The following DNER variants were observed in gnomAD, a reference collection of about 807,000 sequenced individuals.
The protein encoded by DNER is delta and Notch-like epidermal growth factor-related receptor.
Under a neutral mutation model 78.2 loss-of-function variants are expected in DNER, and 33 were observed. The observed-to-expected ratio is 0.42, with a 90% CI of 0.32 to 0.56. The LOEUF is 0.56. DNER is among the 20% of genes least tolerant of loss of function. The pLI is 0.11. For missense variants in DNER, 918 were observed against 975.3 expected (o/e 0.94, Z 0.78); for synonymous variants, 417 against 384.8 (o/e 1.08, Z -0.98).
At chr2:229,438,031 G>A (rs925925907) in intron 8 of DNER, among the ~76,000 whole-genome samples, 1 of 152,188 alleles carries the variant, frequency 6.6e-6, no homozygotes, top group Admixed American at 6.5e-5. Flanking sequence ...TCTTTAATTA[G>A]GTGCATCCGG....
rs957868966 is a variant in DNER, at chr2:229,448,185, T to TA, written c.1262-646dup. Among the ~76,000 whole-genome samples, 961 of 142,706 alleles carry TA rather than the reference T, an allele frequency of 6.7e-3. 10 individuals are homozygous for TA. The highest frequency in any genetic ancestry group is 0.02 in the African/African-American group (789 of 39,082). The allele number at this position is 142,706 out of a possible 152,430, so 93.6% of individuals were successfully genotyped here. A position where few individuals can be genotyped will look rare whatever the true frequency, so the allele number is the denominator to read the frequency against. On this transcript the variant is annotated intron_variant, in intron 7 of 12. Transcript: ENST00000341772. Reference sequence around the variant, plus strand: ...CACACAATGAAATACCACTCAGCAATAAAAAAAAAAATAAGTACTGACACA... The same window carrying TA: ...CACACAATGAAATACCACTCAGCAATAAAAAAAAAAAATAAGTACTGACACA...
intron 5 of DNER, among the ~76,000 whole-genome samples, chr2:229,513,660 A>G (rs766097117): frequency 3.3e-5 from 5 of 152,210 alleles, no homozygotes; most frequent in Non-Finnish European, 7.3e-5. Context: ...TCTGAAATAA[A>G]CCACAAATCT....
intron 1 of DNER, among the ~76,000 whole-genome samples, chr2:229,706,668 C>T (rs1699832285): frequency 2.0e-5 from 3 of 152,174 alleles, no homozygotes; most frequent in Non-Finnish European, 1.5e-5. Context: ...CTTACGCAAA[C>T]GTATGTGGCT....
chr2:229,527,895 G>A (rs7571342), intron 5 of DNER, among the ~76,000 whole-genome samples: 2,497 of 152,098 alleles, frequency 0.016, 70 homozygotes, highest in African/African-American at 0.056. Flanking sequence ...TATTTTAACC[G>A]CAAAGCTGAA....
At chr2:229,537,750 T>C (rs1696435636) in intron 5 of DNER, among the ~76,000 whole-genome samples, 2 of 151,990 alleles carry the variant, frequency 1.3e-5, no homozygotes, top group African/African-American at 4.8e-5. Flanking sequence ...TTTCTTTTTT[T>C]CTTTTTTATT....
intron 4 of DNER, among the ~76,000 whole-genome samples, chr2:229,555,570 G>A (rs1696841136): frequency 6.6e-6 from 1 of 152,148 alleles, no homozygotes; most frequent in Non-Finnish European, 1.5e-5. Context: ...TGATCATTTT[G>A]TATCTTGGGT....
chr2:229,358,550 T>A lies in DNER; in HGVS notation c.2204A>T (p.Lys735Ile), dbSNP rs768722609. ...TAATCCAAAAAAAGATTACAAATCT[T>A]TAGTTTTAATCAGTGTGACCAAGGG... is the stretch of plus-strand genomic sequence containing the variant. ...DKPLVTLIKT[K>I]DL Residue 735 changes from lysine to isoleucine, a missense_variant, in exon 13 of 13, where the codon AAA becomes ATA. Coordinates refer to ENST00000341772, the MANE Select transcript of DNER (RefSeq NM_139072.4). The A allele has an allele frequency of 1.2e-6, 2 of 1,607,306 alleles. No individual in the cohort carries two copies. The highest frequency in any genetic ancestry group is 1.7e-6 in the Non-Finnish European group (2 of 1,176,986).
chr2:229,573,776 A>T, intron 4 of DNER, among the ~76,000 whole-genome samples: 1 of 152,208 alleles, frequency 6.6e-6, no homozygotes, highest in East Asian at 1.9e-4. Context: ...GCAATGTGAT[A>T]GCGTCCATGA....
intron 7 of DNER, among the ~76,000 whole-genome samples, chr2:229,456,813 C>T (rs1163694426): frequency 6.6e-6 from 1 of 151,926 alleles, no homozygotes; most frequent in African/African-American, 2.4e-5. Context: ...TACCCATACA[C>T]AATATGCTCA....
chr2:229,570,731 A>G (rs1227960603), intron 4 of DNER, among the ~76,000 whole-genome samples: 2 of 151,980 alleles, frequency 1.3e-5, no homozygotes, highest in Admixed American at 1.3e-4. Flanking sequence ...TTGCAGTTGT[A>G]TAAGAGTGGA....
At chr2:229,447,808 A>G (rs529622569) in intron 7 of DNER, among the ~76,000 whole-genome samples, 1 of 151,858 alleles carries the variant, frequency 6.6e-6, no homozygotes, top group East Asian at 2.0e-4. Flanking sequence ...GAATATATTT[A>G]TGTGCACACA....
chr2:229,368,874 G>T (rs774094931), intron 11 of DNER, among the ~76,000 whole-genome samples: 1 of 152,172 alleles, frequency 6.6e-6, no homozygotes, highest in Non-Finnish European at 1.5e-5. Context: ...GATTAAAAAT[G>T]ATTATTTTCC....
intron 1 of DNER, among the ~76,000 whole-genome samples, chr2:229,660,539 T>G (rs938246909): frequency 7.2e-5 from 11 of 152,174 alleles, no homozygotes; most frequent in Admixed American, 5.9e-4. Context: ...CTCTCTCTCA[T>G]TTATATAAGC....
intron 7 of DNER, among the ~76,000 whole-genome samples, chr2:229,453,939 A>AAAAAAAAAG (rs1694516185): frequency 7.2e-6 from 1 of 138,282 alleles, no homozygotes; most frequent in Non-Finnish European, 1.6e-5. Flanking sequence ...AAAAAAAAAA[A>AAAAAAAAAG]AAAGAAAGAA....
chr2:229,660,262 C>G (rs1490606600), intron 1 of DNER, among the ~76,000 whole-genome samples: 3 of 151,994 alleles, frequency 2.0e-5, no homozygotes, highest in South Asian at 2.1e-4. Context: ...TTTCCTGATC[C>G]TCTCCCTCCT....
intron 1 of DNER, among the ~76,000 whole-genome samples, chr2:229,646,388 T>C (rs924059685): frequency 2.0e-5 from 3 of 152,234 alleles, no homozygotes; most frequent in African/African-American, 7.2e-5. Flanking sequence ...TATAATGTTG[T>C]ATCTGTTTAA....
At chr2:229,540,726 G>C (rs185306276) in intron 5 of DNER, among the ~76,000 whole-genome samples, 2 of 152,172 alleles carry the variant, frequency 1.3e-5, no homozygotes, top group African/African-American at 2.4e-5. Flanking sequence ...GTCAGGACTC[G>C]TCAGGGGCCA....
intron 1 of DNER, among the ~76,000 whole-genome samples, chr2:229,711,745 G>A (rs1278279715): frequency 6.6e-6 from 1 of 152,104 alleles, no homozygotes; most frequent in Non-Finnish European, 1.5e-5. Flanking sequence ...AATTTATCCA[G>A]TGAGCACAAG....
At chr2:229,616,766 T>G (rs1574929907) in intron 1 of DNER, among the ~76,000 whole-genome samples, 1 of 152,176 alleles carries the variant, frequency 6.6e-6, no homozygotes, top group African/African-American at 2.4e-5. Context: ...TACCCTGGGG[T>G]GATGCCAGGA....
Sources: gnomAD v4.1 joint callset for allele counts (sites outside exome capture counted in the v4.1 genomes callset) on GRCh38, gnomAD v4.1.1 for gene constraint, MANE v1.5 for transcripts, NCBI Gene and HGNC (gene_info 2026-07-23, HGNC 2026-07-21) for gene names.